The following KAZN variants were observed in gnomAD, a reference collection of about 807,000 sequenced individuals.
KAZN encodes the protein kazrin.
KAZN carries 40 observed loss-of-function variants against 87.4 expected under a neutral mutation model. That is an observed-to-expected ratio of 0.46 (90% confidence interval 0.36 to 0.60). KAZN has a LOEUF of 0.60. KAZN is among the 20% of genes least tolerant of loss of function. The probability of loss-of-function intolerance (pLI) is 0.00; values close to 1 mark genes in which losing one functional copy is unlikely to be tolerated. For synonymous variants in KAZN, 466 were observed against 458.3 expected (o/e 1.02, Z -0.22); for missense variants, 898 against 1,073.9 (o/e 0.84, Z 2.29).
intron 1 of KAZN, among the ~76,000 whole-genome samples, chr1:14,635,080 CA>C (rs1470103943): frequency 6.6e-6 from 1 of 152,160 alleles, no homozygotes; most frequent in East Asian, 1.9e-4. Flanking sequence ...GGAAGGGCAT[CA>C]GGGGGTTAGG....
At chr1:15,037,602 C>CATAATCATTATT (rs1672472003) in intron 3 of KAZN, among the ~76,000 whole-genome samples, 3 of 152,018 alleles carry the variant, frequency 2.0e-5, no homozygotes, top group African/African-American at 7.3e-5. Context: ...TTATCATTAT[C>CATAATCATTATT]ATTATTATTG....
chr1:14,749,998 ACATACC>A (rs1442375182), intron 1 of KAZN, among the ~76,000 whole-genome samples: 1 of 152,100 alleles, frequency 6.6e-6, no homozygotes, highest in African/African-American at 2.4e-5. Flanking sequence ...TAGAACAAAG[ACATACC>A]CATGACCAAA....
intron 1 of KAZN, among the ~76,000 whole-genome samples, chr1:14,669,128 G>T (rs981127080): frequency 1.3e-5 from 2 of 152,190 alleles, no homozygotes; most frequent in Admixed American, 6.5e-5. Context: ...TTTATTCAAG[G>T]CTAGGAGTTG....
intron 1 of KAZN, among the ~76,000 whole-genome samples, chr1:13,985,751 A>G (rs1188419502): frequency 6.6e-6 from 1 of 152,112 alleles, no homozygotes; most frequent in Non-Finnish European, 1.5e-5. Context: ...TGTATTCTGG[A>G]CATTTTCTAT....
In KAZN at chr1:13,934,910, C is replaced by T. The variant is rs556622515; in HGVS notation, c.91+41154C>T. On this transcript the variant is annotated intron_variant, in intron 1 of 16. Coordinates refer to the KAZN transcript ENST00000636203. ...GTGCAGGTTCAATGAGAGTTTTTAC[C>T]GAGAGATGAAATGAAATTGAATTAG... Among the ~76,000 whole-genome samples, 5 of 152,148 alleles carry T rather than the reference C, an allele frequency of 3.3e-5. 1 individual carries two copies. The South Asian group carries it at 8.3e-4, about 25-fold the overall frequency.
chr1:14,666,298 G>T (rs1196663134), intron 1 of KAZN, among the ~76,000 whole-genome samples: 1 of 151,848 alleles, frequency 6.6e-6, no homozygotes, highest in Non-Finnish European at 1.5e-5. Context: ...AGAGGGTTTT[G>T]TTTTCTTCTC....
chr1:14,549,291 TG>T (rs1319554644), intron 2 of KAZN, among the ~76,000 whole-genome samples: 1 of 152,190 alleles, frequency 6.6e-6, no homozygotes, highest in African/African-American at 2.4e-5. Flanking sequence ...TTCTATCCTC[TG>T]TACTGTGCCC....
intron 2 of KAZN, among the ~76,000 whole-genome samples, chr1:14,477,545 C>A (rs1333451210): frequency 6.6e-6 from 1 of 151,792 alleles, no homozygotes; most frequent in African/African-American, 2.4e-5. Flanking sequence ...TGCCTTGCAT[C>A]GTGTACAAGG....
At chr1:14,240,289 C>T (rs1648821959) in intron 2 of KAZN, among the ~76,000 whole-genome samples, 1 of 152,230 alleles carries the variant, frequency 6.6e-6, no homozygotes, top group South Asian at 2.1e-4. Context: ...GAGGTCAGCT[C>T]CCTGGTACTT....
chr1:14,588,440 C>T (rs954095045), intron 2 of KAZN, among the ~76,000 whole-genome samples: 4 of 152,186 alleles, frequency 2.6e-5, no homozygotes, highest in African/African-American at 9.6e-5. Flanking sequence ...AAAATAGAAA[C>T]TAGATACCCT....
chr1:15,006,575 A>T (rs1411860276), intron 2 of KAZN, among the ~76,000 whole-genome samples: 1 of 152,270 alleles, frequency 6.6e-6, no homozygotes. Context: ...CATGCCGCAC[A>T]TATTTACTGA....
chr1:15,047,616 C>A (rs919698700), intron 4 of KAZN, among the ~76,000 whole-genome samples: 6 of 152,118 alleles, frequency 3.9e-5, no homozygotes, highest in African/African-American at 1.2e-4. Context: ...ACTGAAAATA[C>A]AAAAATCAGC....
intron 2 of KAZN, among the ~76,000 whole-genome samples, chr1:14,455,336 A>G (rs1281957536): frequency 6.6e-6 from 1 of 152,186 alleles, no homozygotes; most frequent in Non-Finnish European, 1.5e-5. Flanking sequence ...CCAATAAGCA[A>G]CTTGAGGACA....
At chr1:14,676,491 A>G (rs1268394709) in intron 1 of KAZN, among the ~76,000 whole-genome samples, 2 of 152,282 alleles carry the variant, frequency 1.3e-5, no homozygotes, top group East Asian at 3.9e-4. Flanking sequence ...TCCTGCAGGG[A>G]AGGTTGTAAA....
intron 1 of KAZN, among the ~76,000 whole-genome samples, chr1:14,718,546 T>C (rs1310265411): frequency 6.6e-6 from 1 of 152,368 alleles, no homozygotes; most frequent in East Asian, 1.9e-4. Flanking sequence ...CTCTGAATTA[T>C]GTGTGATTCT....
chr1:14,403,233 G>A (rs6696819), intron 2 of KAZN, among the ~76,000 whole-genome samples: 35,654 of 152,050 alleles, frequency 0.23, 5,727 homozygotes, highest in African/African-American at 0.45. Context: ...AGCTTTGTAT[G>A]TAAGAAAAAA....
chr1:14,755,294 G>C (rs920466003), intron 1 of KAZN, among the ~76,000 whole-genome samples: 1 of 151,946 alleles, frequency 6.6e-6, no homozygotes, highest in African/African-American at 2.4e-5. Context: ...AGGTACTATT[G>C]CCATGCTTGT....
chr1:14,565,645 C>T (rs1385490527), intron 2 of KAZN, among the ~76,000 whole-genome samples: 1 of 152,150 alleles, frequency 6.6e-6, no homozygotes, highest in Non-Finnish European at 1.5e-5. Context: ...GGAGTCAATC[C>T]CTTCAAACCC....
At chr1:14,712,832 A>G (rs1211802502) in intron 1 of KAZN, among the ~76,000 whole-genome samples, 1 of 152,214 alleles carries the variant, frequency 6.6e-6, no homozygotes, top group Non-Finnish European at 1.5e-5. Flanking sequence ...TATAGAATTA[A>G]TACTGTCTTC....
Sources: allele counts gnomAD v4.1 joint callset (sites outside exome capture counted in the v4.1 genomes callset), GRCh38; gene constraint gnomAD v4.1.1; transcripts MANE v1.5; gene names NCBI Gene and HGNC (gene_info 2026-07-23, HGNC 2026-07-21).